Variants in ADRA1D observed in about 807,000 individuals in gnomAD.
ADRA1D encodes alpha-1D adrenergic receptor.
ADRA1D carries 22 observed loss-of-function variants against 18.6 expected under a neutral mutation model. That is an observed-to-expected ratio of 1.19 (90% CI 0.85 to 1.69). The LOEUF is 1.69. ADRA1D is among the 40% of genes most tolerant of loss of function. The pLI, the probability that ADRA1D is intolerant of heterozygous loss-of-function variation, is 0.00. For missense variants in ADRA1D, 840 were observed against 840.7 expected, an observed-to-expected ratio of 1.00 and a Z score of 0.01; for synonymous variants, 376 against 388.2, an observed-to-expected ratio of 0.97 and a Z score of 0.37.
chr20:4,222,042 G>A lies in ADRA1D; in HGVS notation c.1200C>T (p.Leu400=), dbSNP rs1230493371. Residue 400 remains leucine, a synonymous_variant, in exon 2 of 2, where the codon CTC becomes CTT. Coordinates refer to ENST00000379453, the MANE Select transcript of ADRA1D (RefSeq NM_000678.4). This position sits in a 1 kb window ranked among gnomAD's most constrained non-coding sequence, Gnocchi z 4.3. ...ACTCGCGGCTGGAACAGGGGTAGAT[G>A]AGCGGGTTCACGCAGCTGTTGAAGT... ...LGYFNSCVNP[L]IYPCSSREFK... is the part of the protein sequence containing the mutation. 2.5e-6 allele frequency: 4 copies of A among 1,611,788 alleles called. No homozygotes were observed. The highest frequency in any genetic ancestry group is 3.4e-6 in the Non-Finnish European group (4 of 1,179,100).
rs575889599 is a variant in ADRA1D, at chr20:4,248,033, G to A, written c.925C>T (p.Arg309Cys). ...ASEVVLRIHC[R>C]GAATGADGAH... ...CCGTCGGCGCCCGTGGCCGCGCCGC[G>A]ACAGTGGATGCGCAGCACCACCTCG... is the stretch of plus-strand genomic sequence containing the variant. The change falls in exon 1 of 2, where the codon CGC becomes TGC. Residue 309 changes from arginine (R) to cysteine (C), a missense_variant. Coordinates refer to ENST00000379453, the MANE Select transcript of ADRA1D (RefSeq NM_000678.4). 3 of 1,551,168 alleles carry A rather than the reference G, an allele frequency of 1.9e-6. No homozygotes were observed. The African/African-American group carries it at 4.1e-5, about 21-fold the overall frequency.
At chr20:4,247,752 G>T in intron 1 of ADRA1D, 95 bp downstream of exon 1, 1 of 1,351,218 alleles carries the variant, frequency 7.4e-7, no homozygotes. Flanking sequence ...CAACCTTCTA[G>T]GTTCAGGTGG....
At chr20:4,236,527 G>A (rs575721211) in intron 1 of ADRA1D, among the ~76,000 whole-genome samples, 1 of 152,278 alleles carries the variant, frequency 6.6e-6, no homozygotes, top group African/African-American at 2.4e-5. Context: ...AAGAATTTGG[G>A]GGAAGTGGCA....
rs201907164 is a variant in ADRA1D at position 4,248,414 on chromosome 20, C to T, written c.544G>A (p.Ala182Thr). The change falls in exon 1 of 2, where the codon GCC becomes ACC. Residue 182 changes from alanine to threonine, a missense_variant. By Grantham distance (58) the Ala-to-Thr change is moderately conservative. Transcript: ENST00000379453. ...WAAVDVLCCTASILSLCTISV... is the reference protein window; with the variant it reads ...WAAVDVLCCTTSILSLCTISV... ...ATGGTGCAGAGGCTGAGGATGGAGG[C>T]CGTGCAGCACAGCACGTCCACGGCG... 5.6e-6 allele frequency: 9 copies of T among 1,609,918 alleles called. No individual in the cohort carries two copies. In the East Asian group the frequency reaches 9.0e-5, roughly 16 times the overall value.
chr20:4,238,299 T>A (rs1568767302), intron 1 of ADRA1D, among the ~76,000 whole-genome samples: 2 of 151,336 alleles, frequency 1.3e-5, no homozygotes, highest in African/African-American at 4.9e-5. Flanking sequence ...TACTAATCTT[T>A]AAAAAAAAGA....
chr20:4,237,502 GGATCTGGCA>G (rs1309018239), intron 1 of ADRA1D, among the ~76,000 whole-genome samples: 3 of 151,846 alleles, frequency 2.0e-5, no homozygotes, highest in Non-Finnish European at 4.4e-5. Flanking sequence ...CTGAATGTGA[GGATCTGGCA>G]GCCTCCGGTG....
intron 1 of ADRA1D, among the ~76,000 whole-genome samples, chr20:4,225,541 C>T (rs1015768779): frequency 6.7e-6 from 1 of 150,028 alleles, no homozygotes; most frequent in African/African-American, 2.5e-5. Flanking sequence ...GATCCCCTTG[C>T]CTCCTGAGTA....
At chr20:4,246,682 T>C (rs1981343523) in intron 1 of ADRA1D, among the ~76,000 whole-genome samples, 1 of 152,150 alleles carries the variant, frequency 6.6e-6, no homozygotes, top group Non-Finnish European at 1.5e-5. Context: ...ATTCATAGTG[T>C]CCTATTTTGG....
Position 4,230,250 on chromosome 20 carries a change from T to C in ADRA1D, c.1112-8120A>G, listed in dbSNP as rs529018759. 9.2e-5 allele frequency among the ~76,000 whole-genome samples: 14 copies of C among 152,342 alleles called. No homozygotes were observed. The South Asian group carries it at 2.3e-3, about 25-fold the overall frequency. ...TCATGATGCATTTGTCTATCATCTA[T>C]CTCCCTGCAATGAACATCCCTGGGG... is the stretch of plus-strand genomic sequence containing the variant. On this transcript the variant is annotated intron_variant, in intron 1 of 1. Coordinates refer to ENST00000379453, the MANE Select transcript of ADRA1D (RefSeq NM_000678.4).
chr20:4,224,619 AT>A (rs1451908308), intron 1 of ADRA1D, among the ~76,000 whole-genome samples: 24 of 144,972 alleles, frequency 1.7e-4, no homozygotes, highest in African/African-American at 5.6e-4. Context: ...TCCATCCTGG[AT>A]AGAGGCTGCA....
intron 1 of ADRA1D, among the ~76,000 whole-genome samples, chr20:4,231,080 CTCTTTTCTTT>C (rs940558020): frequency 7.4e-5 from 4 of 53,698 alleles, no homozygotes; most frequent in Non-Finnish European, 1.5e-4. Context: ...CTCTCTCTCT[CTCTTTTCTTT>C]TCTTTTCTTT....
chr20:4,221,597 C>G lies in ADRA1D; in HGVS notation c.1645G>C (p.Glu549Gln), dbSNP rs1285940013. The part of the protein sequence containing the change: ...VEAVSLGVPH[E>Q]VAEGATCQAY... ...TGGCAGGTGGCGCCCTCGGCCACCT[C>G]GTGTGGGACGCCTAGGGACACAGCC... Residue 549 changes from glutamate (E) to glutamine (Q), a missense_variant, in exon 2 of 2, where the codon GAG (glutamate) becomes CAG (glutamine). Transcript: ENST00000379453. 17 of 1,613,218 alleles carry G rather than the reference C, an allele frequency of 1.1e-5. No homozygotes were observed. In the Admixed American group the frequency reaches 2.8e-4, roughly 27 times the overall value.
At chr20:4,231,664 C>T (rs1224417157) in intron 1 of ADRA1D, among the ~76,000 whole-genome samples, 1 of 152,154 alleles carries the variant, frequency 6.6e-6, no homozygotes, top group Non-Finnish European at 1.5e-5. Flanking sequence ...TCGATGAATC[C>T]TCATGGCATC....
chr20:4,243,505 G>C (rs1451710709), intron 1 of ADRA1D, among the ~76,000 whole-genome samples: 1 of 152,224 alleles, frequency 6.6e-6, no homozygotes. Flanking sequence ...ACAGGCCCCA[G>C]GGATTGGTGT....
chr20:4,241,793 C>T (rs1203514464), intron 1 of ADRA1D, among the ~76,000 whole-genome samples: 6 of 152,196 alleles, frequency 3.9e-5, no homozygotes, highest in East Asian at 1.9e-4. Context: ...ATCCACTCTC[C>T]GCACGGGGCC....
At chr20:4,246,486 G>A (rs1981338865) in intron 1 of ADRA1D, among the ~76,000 whole-genome samples, 1 of 152,150 alleles carries the variant, frequency 6.6e-6, no homozygotes, top group Non-Finnish European at 1.5e-5. Flanking sequence ...GGACAGGCAG[G>A]GGCTCCAGCA....
rs1981392532 is a variant in ADRA1D, at chr20:4,248,255, A to G, written c.703T>C (p.Trp235Arg). 1 of 1,608,022 alleles carries G rather than the reference A, an allele frequency of 6.2e-7. No individual in the cohort carries two copies. Among genetic ancestry groups the G allele is most frequent in the African/African-American group, 1.3e-5 (1 of 74,894 alleles). ...TCGTCAGGGGGCACGGGCTCCTTCC[A>G]GCCCAGCAGGGGCCCTACGGACACC... The part of the protein sequence containing the change: ...LVVSVGPLLG[W>R]KEPVPPDERF... The change falls in exon 1 of 2, where the codon TGG becomes CGG. Residue 235 changes from tryptophan (W) to arginine (R), a missense_variant. Transcript: ENST00000379453.
intron 1 of ADRA1D, among the ~76,000 whole-genome samples, chr20:4,240,583 C>T (rs1412226484): frequency 1.3e-5 from 2 of 152,046 alleles, no homozygotes; most frequent in Non-Finnish European, 2.9e-5. Flanking sequence ...CACCTGAGGT[C>T]AGGAGTTTGA....
At chr20:4,224,270 G>C (rs1207078803) in intron 1 of ADRA1D, among the ~76,000 whole-genome samples, 1 of 152,108 alleles carries the variant, frequency 6.6e-6, no homozygotes, top group African/African-American at 2.4e-5. Context: ...AGGGCAATGG[G>C]GCTGTTCCAG....
Sources: allele counts gnomAD v4.1 joint callset (sites outside exome capture counted in the v4.1 genomes callset), GRCh38; gene constraint gnomAD v4.1.1; non-coding constraint Gnocchi (gnomAD v3.1); transcripts MANE v1.5; gene names NCBI Gene and HGNC (gene_info 2026-07-23, HGNC 2026-07-21).